MYSM1: variants seen among roughly 807,000 people sequenced by gnomAD.
The protein encoded by MYSM1 is Myb like, SWIRM and MPN domains 1, also known as deubiquitinase MYSM1.
MYSM1 carries 51 observed loss-of-function variants against 116.0 expected under a neutral mutation model. The observed-to-expected ratio is 0.44, with a 90% confidence interval of 0.35 to 0.56. The LOEUF is 0.56. MYSM1 is among the 20% of genes least tolerant of loss of function. The pLI is 0.00. For synonymous variants in MYSM1, 313 were observed against 315.2 expected, an observed-to-expected ratio of 0.99 and a Z score of 0.07; for missense variants, 900 against 974.9, an observed-to-expected ratio of 0.92 and a Z score of 1.02.
intron 13 of MYSM1, 59 bp from the exon 14 acceptor site, chr1:58,668,741 C>T: frequency 6.8e-7 from 1 of 1,478,708 alleles, no homozygotes; most frequent in African/African-American, 1.4e-5. Flanking sequence ...TTTTGTTTTC[C>T]CCACCTGGAA....
chr1:58,664,700 G>C (rs1379378786), intron 17 of MYSM1, among the ~76,000 whole-genome samples: 1 of 152,134 alleles, frequency 6.6e-6, no homozygotes, highest in Non-Finnish European at 1.5e-5. Context: ...TTTATGCCAG[G>C]CCTCATGCTA....
Position 58,681,784 on chromosome 1 carries a change from C to A in MYSM1, c.1259+1G>T. On this transcript the variant is annotated splice_donor_variant, in intron 8 of 19. Transcript: ENST00000472487. LOFTEE classifies it high-confidence loss of function. ...ACATCTATAATGTAATTCTTTCTTA[C>A]CATTGATCCAAAATATAATTTCTAA... 6.3e-7 allele frequency: 1 copy of A among 1,576,732 alleles called. No homozygotes were observed. Among genetic ancestry groups the A allele is most frequent in the South Asian group, 1.2e-5 (1 of 84,134 alleles).
chr1:58,661,141 T>C, intron 19 of MYSM1, 29 bp downstream of exon 19: 2 of 1,567,530 alleles, frequency 1.3e-6, no homozygotes, highest in Non-Finnish European at 1.8e-6. Flanking sequence ...CTGTGAACAA[T>C]GGAACCAATT....
At chr1:58,698,083 A>ATTATATATATATATATATATAT (rs1645004428) in intron 1 of MYSM1, among the ~76,000 whole-genome samples, 1 of 23,274 alleles carries the variant, frequency 4.3e-5, no homozygotes, top group African/African-American at 1.5e-4. Flanking sequence ...TATTTATCAG[A>ATTATATATATATATATATATAT]CTATATATAT....
At chr1:58,698,086 A>C (rs4912374) in intron 1 of MYSM1, among the ~76,000 whole-genome samples, 15,760 of 30,258 alleles carry the variant, frequency 0.52, 1,969 homozygotes, top group South Asian at 0.62. Flanking sequence ...TTATCAGACT[A>C]TATATATATA....
At chr1:58,674,485 A>G (rs1644613133) in intron 10 of MYSM1, among the ~76,000 whole-genome samples, 1 of 152,206 alleles carries the variant, frequency 6.6e-6, no homozygotes, top group African/African-American at 2.4e-5. Flanking sequence ...TTAAGATAGT[A>G]AATCTAGATA....
chr1:58,668,882 T>C (rs1644512900), intron 13 of MYSM1, 102 bp downstream of exon 13: 4 of 1,027,634 alleles, frequency 3.9e-6, no homozygotes, highest in Non-Finnish European at 5.8e-6. Flanking sequence ...TTTTCAGTCT[T>C]TTTATACATA....
At position 58,674,449 on chromosome 1, in the gene MYSM1, T is replaced by C. The variant is rs891026001; in HGVS notation, c.1495-799A>G. ...AGGATAGTGTATGACTAGCACCATA[T>C]CCAGCAACTCTAATTGATAACATCT... On this transcript the variant is annotated intron_variant, in intron 10 of 19. Coordinates refer to ENST00000472487, the MANE Select transcript of MYSM1 (RefSeq NM_001085487.3). Among the ~76,000 whole-genome samples the C allele has an allele frequency of 2.6e-5, 4 of 152,280 alleles. No homozygotes were observed. The East Asian group carries it at 7.7e-4, about 29-fold the overall frequency.
At chr1:58,668,239 A>G (rs1644504424) in intron 14 of MYSM1, among the ~76,000 whole-genome samples, 1 of 152,202 alleles carries the variant, frequency 6.6e-6, no homozygotes. Flanking sequence ...AGTAAAAATC[A>G]CTCTAAATCC....
Position 58,690,393 on chromosome 1 carries a change from T to C in MYSM1, c.243A>G (p.Gln81=), listed in dbSNP as rs761767423. The C allele has an allele frequency of 6.2e-7, 1 of 1,601,212 alleles. No individual in the cohort carries two copies. Among genetic ancestry groups the C allele is most frequent in the Admixed American group, 1.7e-5 (1 of 58,648 alleles). ...TTTGATCAAGCCAGACTTTTTCCGG[T>C]TGTGATTTTTTAGATAAATAATATC... ...EEEYYLSKKS[Q]PEKVWLDQKE... is the part of the protein sequence containing the mutation. Residue 81 remains glutamine (Q), a synonymous_variant, in exon 4 of 20, where the codon CAA becomes CAG. Coordinates refer to ENST00000472487, the MANE Select transcript of MYSM1 (RefSeq NM_001085487.3).
At chr1:58,695,426 A>C (rs967571289) in intron 1 of MYSM1, among the ~76,000 whole-genome samples, 1 of 152,200 alleles carries the variant, frequency 6.6e-6, no homozygotes, top group Non-Finnish European at 1.5e-5. Flanking sequence ...CAATTGTGAA[A>C]CATCAAGTCT....
intron 7 of MYSM1, among the ~76,000 whole-genome samples, chr1:58,683,700 T>C (rs1644782296): frequency 6.6e-6 from 1 of 152,216 alleles, no homozygotes; most frequent in Non-Finnish European, 1.5e-5. Context: ...TTATAGATCC[T>C]GTATCACACA....
chr1:58,662,858 T>C (rs982408987), intron 17 of MYSM1, among the ~76,000 whole-genome samples: 8 of 152,126 alleles, frequency 5.3e-5, no homozygotes, highest in South Asian at 2.1e-4. Flanking sequence ...TGACACACTA[T>C]AGTACACGGG....
intron 8 of MYSM1, among the ~76,000 whole-genome samples, chr1:58,678,166 T>C (rs1337489531): frequency 1.3e-5 from 2 of 152,150 alleles, no homozygotes; most frequent in African/African-American, 4.8e-5. Context: ...AGGCATAGAC[T>C]ACTTTAGATA....
chr1:58,677,437 ATTAC>A (rs1441049030), intron 8 of MYSM1, among the ~76,000 whole-genome samples: 1 of 152,114 alleles, frequency 6.6e-6, no homozygotes, highest in African/African-American at 2.4e-5. Context: ...TTTGTAATAT[ATTAC>A]TTAGATTCAT....
At position 58,659,127 on chromosome 1, in the gene MYSM1, G is replaced by A. The variant is rs1056875508; in HGVS notation, c.*870C>T. On this transcript the variant is annotated 3_prime_UTR_variant, in exon 20 of 20. Transcript: ENST00000472487. ...AAGCATATGAAACTGGGCTGAATAT[G>A]TAACATGTCCTGAAAGGCTTGTTTT... 2.0e-5 allele frequency: 3 copies of A among 151,978 alleles called. No homozygotes were observed. Among genetic ancestry groups the A allele is most frequent in the Non-Finnish European group, 2.9e-5 (2 of 67,996 alleles). 9.4% of individuals were successfully genotyped at this position (151,978 alleles called of 1,614,324 possible).
At position 58,681,771 on chromosome 1, in the gene MYSM1, TA is replaced by T; in HGVS notation, c.1259+13del. Reference sequence around the variant, plus strand: ...ACGTTTTAAAACAACATCTATAATGTAATTCTTTCTTACCATTGATCCAAAA... The same window carrying T: ...ACGTTTTAAAACAACATCTATAATGTATTCTTTCTTACCATTGATCCAAAA... On this transcript the variant is annotated intron_variant, in intron 8 of 19. Coordinates refer to ENST00000472487, the MANE Select transcript of MYSM1 (RefSeq NM_001085487.3). 1 of 1,563,160 alleles carries T rather than the reference TA, an allele frequency of 6.4e-7. No homozygotes were observed. Among genetic ancestry groups the T allele is most frequent in the Non-Finnish European group, 8.6e-7 (1 of 1,159,500 alleles).
chr1:58,687,185 C>T (rs1446151818), intron 6 of MYSM1, among the ~76,000 whole-genome samples: 3 of 152,024 alleles, frequency 2.0e-5, no homozygotes, highest in African/African-American at 7.2e-5. Context: ...CTAATAATTC[C>T]ATGCTTGTTG....
chr1:58,674,313 G>A (rs1009561999), intron 10 of MYSM1, among the ~76,000 whole-genome samples: 3 of 152,182 alleles, frequency 2.0e-5, no homozygotes, highest in African/African-American at 7.2e-5. Context: ...TTAGAAAGGA[G>A]GTGGCCTAGT....
Sources: allele counts gnomAD v4.1 joint callset (sites outside exome capture counted in the v4.1 genomes callset), GRCh38; gene constraint gnomAD v4.1.1; transcripts MANE v1.5; gene names NCBI Gene and HGNC (gene_info 2026-07-23, HGNC 2026-07-21).